The following OPCML variants were observed in gnomAD, a reference collection of about 807,000 sequenced individuals.
OPCML encodes opioid-binding protein/cell adhesion molecule.
In OPCML, 13 loss-of-function variants were observed where a neutral mutation model predicts 37.8. The ratio of observed to expected loss-of-function variants is 0.34; its 90% CI spans 0.22 to 0.55. The LOEUF is 0.55. OPCML is among the 20% of genes least tolerant of loss of function. OPCML has a pLI of 0.91. For synonymous variants in OPCML, 176 were observed against 168.8 expected, an observed-to-expected ratio of 1.04 and a Z score of -0.33; for missense variants, 341 against 435.6, an observed-to-expected ratio of 0.78 and a Z score of 1.93.
In OPCML at chr11:132,935,413, T is replaced by C. The variant is rs376737967; in HGVS notation, c.146+7513A>G. Among the ~76,000 whole-genome samples the C allele has an allele frequency of 1.2e-3, 190 of 152,332 alleles. 2 individuals are homozygous for C. The Middle Eastern group carries it at 0.027, about 22-fold the overall frequency. Reference sequence around the variant, plus strand: ...TGCTGGTGTATAGCATTTTGGGTAATTGTGAGTTGAATTGTCTTCTGTGGA... The same window carrying C: ...TGCTGGTGTATAGCATTTTGGGTAACTGTGAGTTGAATTGTCTTCTGTGGA... On this transcript the variant is annotated intron_variant, in intron 2 of 7. Transcript: ENST00000524381.
At chr11:132,456,141 C>T (rs916625541) in intron 4 of OPCML, among the ~76,000 whole-genome samples, 6 of 152,306 alleles carry the variant, frequency 3.9e-5, no homozygotes, top group African/African-American at 1.4e-4. Flanking sequence ...CTCACAGAGA[C>T]ACCTACAGAG....
chr11:132,713,115 AT>A (rs989050321), intron 2 of OPCML, among the ~76,000 whole-genome samples: 11 of 152,152 alleles, frequency 7.2e-5, no homozygotes, highest in Non-Finnish European at 1.6e-4. Flanking sequence ...CTCCTTTAAA[AT>A]TTTGAGGGAG....
chr11:132,653,050 C>A (rs916990289), intron 3 of OPCML, among the ~76,000 whole-genome samples: 14 of 152,188 alleles, frequency 9.2e-5, no homozygotes, highest in Non-Finnish European at 1.8e-4. Context: ...CATGCTGAAT[C>A]TCAAATATGC....
At chr11:133,125,049 G>T (rs990924230) in intron 1 of OPCML, among the ~76,000 whole-genome samples, 15 of 152,120 alleles carry the variant, frequency 9.9e-5, no homozygotes, top group African/African-American at 3.6e-4. Context: ...GCTCCCCATT[G>T]TCCAGGCAAC....
chr11:132,739,321 T>A (rs1945363696), intron 2 of OPCML, among the ~76,000 whole-genome samples: 1 of 152,230 alleles, frequency 6.6e-6, no homozygotes, highest in Middle Eastern at 3.2e-3. Context: ...ATGCTGCCTC[T>A]GTAAATACAT....
intron 1 of OPCML, among the ~76,000 whole-genome samples, chr11:133,088,592 C>T (rs914750228): frequency 2.0e-5 from 3 of 152,204 alleles, no homozygotes; most frequent in Admixed American, 6.5e-5. Context: ...CAATAAAAAT[C>T]ACTTGATATC....
chr11:132,842,126 C>T (rs1941318358), intron 2 of OPCML, among the ~76,000 whole-genome samples: 1 of 152,004 alleles, frequency 6.6e-6, no homozygotes, highest in African/African-American at 2.4e-5. Flanking sequence ...GGCTTTATTC[C>T]CTCAATCAAG....
intron 1 of OPCML, among the ~76,000 whole-genome samples, chr11:133,357,285 T>C (rs1339632826): frequency 6.6e-6 from 1 of 152,194 alleles, no homozygotes; most frequent in African/African-American, 2.4e-5. Flanking sequence ...TCCTTCTTAG[T>C]AGCTGCCCAA....
At chr11:133,095,479 T>C (rs1948986775) in intron 1 of OPCML, among the ~76,000 whole-genome samples, 3 of 149,704 alleles carry the variant, frequency 2.0e-5, no homozygotes, top group South Asian at 2.2e-4. Context: ...TTAGCAGGCA[T>C]GAAGGAAGTA....
At chr11:132,494,346 T>A (rs1032778921) in intron 4 of OPCML, among the ~76,000 whole-genome samples, 6 of 152,214 alleles carry the variant, frequency 3.9e-5, no homozygotes, top group Admixed American at 2.0e-4. Flanking sequence ...GTGTTCATGG[T>A]ATTGGGCATT....
chr11:132,433,360 ACT>A (rs1476079600), intron 7 of OPCML, among the ~76,000 whole-genome samples: 1 of 152,164 alleles, frequency 6.6e-6, no homozygotes, highest in African/African-American at 2.4e-5. Context: ...AGCCGAGTGG[ACT>A]CAGGCCTGTG....
At chr11:133,391,118 T>C (rs73604510) in intron 1 of OPCML, among the ~76,000 whole-genome samples, 5,340 of 152,274 alleles carry the variant, frequency 0.035, 319 homozygotes, top group African/African-American at 0.12. Context: ...AAGGTCAAGC[T>C]GCGGAATGAA....
intron 1 of OPCML, among the ~76,000 whole-genome samples, chr11:133,294,822 T>TC (rs1474938400): frequency 8.0e-6 from 1 of 124,800 alleles, no homozygotes; most frequent in African/African-American, 3.2e-5. Context: ...TTTCTTTTTT[T>TC]TTTTTTTTTT....
intron 3 of OPCML, among the ~76,000 whole-genome samples, chr11:132,627,805 A>G (rs1391909024): frequency 6.6e-6 from 1 of 152,222 alleles, no homozygotes; most frequent in African/African-American, 2.4e-5. Flanking sequence ...AAGCTGATGC[A>G]TTTACAATAG....
rs576229443 is a variant in OPCML, at chr11:133,403,683, T to A, written c.61+128581A>T. 2.0e-5 allele frequency among the ~76,000 whole-genome samples: 3 copies of A among 152,366 alleles called. No homozygotes were observed. The East Asian group carries it at 5.8e-4, about 29-fold the overall frequency. On this transcript the variant is annotated intron_variant, in intron 1 of 7. Coordinates refer to ENST00000524381, the MANE Select transcript of OPCML (RefSeq NM_001012393.5). ...TGATATACAATGTTATCGTACCAAT[T>A]ACATGTTATATCAAAATTGAAAGGA...
chr11:133,328,157 ATT>A (rs533894891), intron 1 of OPCML, among the ~76,000 whole-genome samples: 27 of 138,222 alleles, frequency 2.0e-4, no homozygotes, highest in Admixed American at 2.9e-4. Context: ...GTGTGTTTTA[ATT>A]TTTTTTTTTT....
intron 2 of OPCML, among the ~76,000 whole-genome samples, chr11:132,887,726 G>A (rs144094410): frequency 5.8e-4 from 88 of 152,376 alleles, no homozygotes; most frequent in African/African-American, 2.0e-3. Flanking sequence ...TAGGATTGAT[G>A]TAATCAGAAA....
chr11:133,434,991 A>G (rs1946204135), intron 1 of OPCML, among the ~76,000 whole-genome samples: 2 of 151,856 alleles, frequency 1.3e-5, no homozygotes, highest in South Asian at 4.1e-4. Flanking sequence ...GCAATTTATG[A>G]AGCTATTTTA....
At chr11:133,057,520 A>G (rs554333703) in intron 1 of OPCML, among the ~76,000 whole-genome samples, 12 of 152,274 alleles carry the variant, frequency 7.9e-5, no homozygotes, top group Admixed American at 1.3e-4. Context: ...TGTGGCCAGT[A>G]GAATTCTCCA....
Sources: allele counts gnomAD v4.1 joint callset (sites outside exome capture counted in the v4.1 genomes callset), GRCh38; gene constraint gnomAD v4.1.1; transcripts MANE v1.5; gene names NCBI Gene and HGNC (gene_info 2026-07-23, HGNC 2026-07-21).